The following ARSH variants were observed in gnomAD, a reference collection of about 807,000 sequenced individuals.
The protein encoded by ARSH is arylsulfatase H.
Under a neutral mutation model 28.7 loss-of-function variants are expected in ARSH, and 32 were observed. The ratio of observed to expected loss-of-function variants is 1.11; its 90% CI spans 0.84 to 1.50. The LOEUF is 1.50. ARSH is among the 40% of genes most tolerant of loss of function. The pLI, the probability that ARSH is intolerant of heterozygous loss-of-function variation, is 0.00. For missense variants in ARSH, 440 were observed against 452.4 expected (o/e 0.97, Z 0.25); for synonymous variants, 176 against 177.3 (o/e 0.99, Z 0.06).
intron 2 of ARSH, among the ~76,000 whole-genome samples, chrX:3,012,610 GTA>G (rs2089853745): frequency 6.8e-5 from 3 of 44,410 alleles, no homozygotes; most frequent in Admixed American, 3.7e-4. Flanking sequence ...ATATATATAT[GTA>G]TGTGTATATA....
chrX:3,006,714 G>C lies in ARSH; in HGVS notation c.92+10G>C, dbSNP rs183492722. On this transcript the variant is annotated intron_variant, in intron 1 of 8. Transcript: ENST00000381130. Reference sequence around the variant, plus strand: ...GTAATAACTCAGTGAGGTAAAGATGGACTCTGACCCCCTCCCTGTATGTGG... The same window carrying C: ...GTAATAACTCAGTGAGGTAAAGATGCACTCTGACCCCCTCCCTGTATGTGG... The C allele has an allele frequency of 1.6e-4, 192 of 1,180,011 alleles. No homozygotes were observed. In the East Asian group the frequency reaches 4.9e-3, roughly 30 times the overall value.
intron 7 of ARSH, 123 bp from the exon 8 acceptor site, chrX:3,029,124 C>T (rs944629346): frequency 9.9e-6 from 7 of 709,925 alleles, no homozygotes; most frequent in Non-Finnish European, 1.2e-5. Context: ...TTATCTTTCG[C>T]CTCCTTCTCT....
intron 1 of ARSH, among the ~76,000 whole-genome samples, chrX:3,008,457 C>A (rs1013028090): frequency 3.0e-5 from 1 of 33,234 alleles, no homozygotes; most frequent in South Asian, 1.4e-3. Flanking sequence ...TATTTTCTTT[C>A]TTTCTTTCTT....
chrX:3,009,033 TAAA>T (rs1438023764), intron 1 of ARSH, among the ~76,000 whole-genome samples: 4 of 111,395 alleles, frequency 3.6e-5, no homozygotes, highest in African/African-American at 1.3e-4. Flanking sequence ...AAATGGGAAA[TAAA>T]TTAAACTCCA....
chrX:3,010,170 A>T lies in ARSH; in HGVS notation c.214+19A>T. 1 of 1,204,250 alleles carries T rather than the reference A, an allele frequency of 8.3e-7. No homozygotes were observed. Among genetic ancestry groups the T allele is most frequent in the African/African-American group, 1.7e-5 (1 of 57,739 alleles). On this transcript the variant is annotated intron_variant, in intron 2 of 8. Coordinates refer to ENST00000381130, the MANE Select transcript of ARSH (RefSeq NM_001011719.2). ...AGATCAGGTGAGGCAATAAAAAGGCAGCAACATTTCAGTCTCACCAGAATG... is the reference window on the plus strand; with the variant it reads ...AGATCAGGTGAGGCAATAAAAAGGCTGCAACATTTCAGTCTCACCAGAATG...
chrX:3,033,257 C>T lies in ARSH; in HGVS notation c.1561C>T (p.Leu521=), dbSNP rs767500631. 2 of 1,211,722 alleles carry T rather than the reference C, an allele frequency of 1.7e-6. No individual in the cohort carries two copies. Among genetic ancestry groups the T allele is most frequent in the Admixed American group, 2.2e-5 (1 of 45,995 alleles). ...AGCCATAAGAGAGCATCGTAGGACA[C>T]TAACACCTGTCCCACAGCAGTTCTC... is the stretch of plus-strand genomic sequence containing the variant. ...EAAIREHRRT[L]TPVPQQFSVF... is the part of the protein sequence containing the mutation. The change falls in exon 9 of 9, where the codon CTA becomes TTA. Residue 521 remains leucine (L), a synonymous_variant. Transcript: ENST00000381130.
chrX:3,013,111 C>T lies in ARSH; in HGVS notation c.279C>T (p.Pro93=), dbSNP rs770045494. ...FTWLGGSGGL[P]TNETTFAKLL... Reference sequence around the variant, plus strand: ...GGCTTGGTGGGTCAGGTGGTCTTCCCACCAATGAAACGACTTTTGCCAAGC... The same window carrying T: ...GGCTTGGTGGGTCAGGTGGTCTTCCTACCAATGAAACGACTTTTGCCAAGC... Residue 93 remains proline, a synonymous_variant, in exon 3 of 9, where the codon CCC becomes CCT. Coordinates refer to ENST00000381130, the MANE Select transcript of ARSH (RefSeq NM_001011719.2). 8.3e-7 allele frequency: 1 copy of T among 1,209,206 alleles called. No individual in the cohort carries two copies. The highest frequency in any genetic ancestry group is 1.8e-5 in the African/African-American group (1 of 57,098).
chrX:3,020,015 G>A (rs1424226740), intron 5 of ARSH, among the ~76,000 whole-genome samples: 1 of 109,477 alleles, frequency 9.1e-6, no homozygotes, highest in Admixed American at 9.9e-5. Context: ...GCCAGGCGTG[G>A]TGGCTCATGT....
At chrX:3,011,497 T>G (rs1410328884) in intron 2 of ARSH, among the ~76,000 whole-genome samples, 1 of 111,744 alleles carries the variant, frequency 8.9e-6, no homozygotes, top group Non-Finnish European at 1.9e-5. Flanking sequence ...GTGATCCACC[T>G]GCCTTGGCCA....
intron 5 of ARSH, among the ~76,000 whole-genome samples, chrX:3,022,084 TAGG>T (rs1259504123): frequency 9.0e-6 from 1 of 111,009 alleles, no homozygotes; most frequent in African/African-American, 3.3e-5. Flanking sequence ...GTGTCTTTGG[TAGG>T]AGGTCTTATA....
chrX:3,029,380 G>A lies in ARSH; in HGVS notation c.1321+12G>A, dbSNP rs376182673. On this transcript the variant is annotated intron_variant, in intron 8 of 8. Transcript: ENST00000381130. ...GCATCAGAAGGACTGTAAGTATGAA[G>A]GCTGTGGACACGTGGAAAGACGATA... 82 of 1,200,864 alleles carry A rather than the reference G, an allele frequency of 6.8e-5. No individual in the cohort carries two copies. The highest frequency in any genetic ancestry group is 8.0e-5 in the Non-Finnish European group (71 of 889,999).
At chrX:3,029,768 C>T (rs894585898) in intron 8 of ARSH, among the ~76,000 whole-genome samples, 4 of 110,964 alleles carry the variant, frequency 3.6e-5, no homozygotes, top group African/African-American at 6.5e-5. Context: ...TGACCTCAGG[C>T]GATCTGCCCA....
chrX:3,006,853 C>T lies in ARSH; in HGVS notation c.92+149C>T, dbSNP rs925558314. 10 of 442,485 alleles carry T rather than the reference C, an allele frequency of 2.3e-5. No homozygotes were observed. The East Asian group carries it at 4.1e-4, about 18-fold the overall frequency. 36.5% of individuals were successfully genotyped at this position (442,485 alleles called of 1,213,427 possible). ...TAGCAGAGGTCACTGGGGAAAATTG[C>T]AAAATGTCAGGAGACCACTTAACCT... is the stretch of plus-strand genomic sequence containing the variant. On this transcript the variant is annotated intron_variant, in intron 1 of 8. Coordinates refer to ENST00000381130, the MANE Select transcript of ARSH (RefSeq NM_001011719.2).
chrX:3,013,195 G>T, intron 3 of ARSH, 23 bp downstream of exon 3: 1 of 1,193,156 alleles, frequency 8.4e-7, no homozygotes, highest in South Asian at 1.9e-5. Context: ...AACTCTGCCC[G>T]TGGAAACGTG....
chrX:3,028,118 C>T (rs963046842), intron 7 of ARSH, among the ~76,000 whole-genome samples: 2 of 111,795 alleles, frequency 1.8e-5, no homozygotes, highest in Admixed American at 1.9e-4. Flanking sequence ...AAAACAAAAA[C>T]GAAAACAAAA....
intron 6 of ARSH, among the ~76,000 whole-genome samples, chrX:3,026,269 T>G (rs2089898531): frequency 9.1e-6 from 1 of 110,345 alleles, no homozygotes; most frequent in Admixed American, 9.7e-5. Context: ...GCCACTGCAC[T>G]CCAGTCTGGG....
rs148947485 is a variant in ARSH, at chrX:3,015,059, C to G, written c.430C>G (p.Pro144Ala). Residue 144 changes from proline to alanine, a missense_variant, in exon 4 of 9, where the codon CCT becomes GCT. Pro to Ala is a conservative substitution (Grantham distance 27). Coordinates refer to ENST00000381130, the MANE Select transcript of ARSH (RefSeq NM_001011719.2). The part of the protein sequence containing the change: ...NHGFHYFYGV[P>A]FGLLSDCQAS... ...TGGTTTTCACTACTTTTACGGGGTG[C>G]CTTTTGGACTTTTAAGCGACTGCCA... 4 of 1,210,826 alleles carry G rather than the reference C, an allele frequency of 3.3e-6. No individual in the cohort carries two copies. The highest frequency in any genetic ancestry group is 3.4e-6 in the Non-Finnish European group (3 of 895,135).
At chrX:3,030,063 CA>C (rs1179478825) in intron 8 of ARSH, among the ~76,000 whole-genome samples, 2 of 110,693 alleles carry the variant, frequency 1.8e-5, no homozygotes, top group Non-Finnish European at 3.8e-5. Flanking sequence ...CTGACACAGA[CA>C]AACCAATGCC....
intron 2 of ARSH, among the ~76,000 whole-genome samples, chrX:3,012,834 C>G (rs1033567732): frequency 3.7e-5 from 4 of 107,459 alleles, no homozygotes; most frequent in South Asian, 4.1e-4. Flanking sequence ...AACTAAGTGT[C>G]CCGTATTTAT....
Sources: allele counts gnomAD v4.1 joint callset (sites outside exome capture counted in the v4.1 genomes callset), GRCh38; gene constraint gnomAD v4.1.1; transcripts MANE v1.5; gene names NCBI Gene and HGNC (gene_info 2026-07-23, HGNC 2026-07-21).